CIZ1: variants seen among roughly 807,000 people sequenced by gnomAD.
The protein encoded by CIZ1 is CDKN1A interacting zinc finger protein 1.
A neutral mutation model predicts 118.6 loss-of-function variants in CIZ1; 58 were observed. That is an observed-to-expected ratio of 0.49 (90% CI 0.40 to 0.61). The LOEUF (loss-of-function observed/expected upper bound fraction) is 0.61. Ranked by LOEUF, CIZ1 falls within the 20% of genes least tolerant of loss-of-function variation. The pLI is 0.00. For synonymous variants in CIZ1, 448 were observed against 443.4 expected (o/e 1.01, Z -0.13); for missense variants, 921 against 1,115.9 (o/e 0.83, Z 2.49).
chr9:128,193,162 A>T (rs1170650637), upstream of CIZ1, among the ~76,000 whole-genome samples: 1 of 152,164 alleles, frequency 6.6e-6, no homozygotes, highest in East Asian at 1.9e-4. Flanking sequence ...AGAGGCGCGA[A>T]AGTGACTCAG....
At chr9:128,200,822 G>A (rs1444868563) in intron 1 of CIZ1, among the ~76,000 whole-genome samples, 1 of 117,166 alleles carries the variant, frequency 8.5e-6, no homozygotes, top group Non-Finnish European at 1.8e-5. Context: ...GGGAGACAGA[G>A]CGAGACTACG....
chr9:128,178,578 G>T (rs760348964), intron 8 of CIZ1, 88 bp from the exon 9 acceptor site: 230 of 1,601,654 alleles, frequency 1.4e-4, no homozygotes, highest in Non-Finnish European at 1.8e-4. Flanking sequence ...GAGGCCCCCA[G>T]CATGGATGGC....
chr9:128,169,664 G>A, intron 12 of CIZ1, 145 bp from the exon 13 acceptor site: 1 of 1,539,418 alleles, frequency 6.5e-7, no homozygotes, highest in Non-Finnish European at 8.7e-7. Context: ...CCCTGCACTG[G>A]AACGTGGGCA....
chr9:128,179,758 C>T (rs1003708387), intron 7 of CIZ1, among the ~76,000 whole-genome samples: 9 of 152,116 alleles, frequency 5.9e-5, no homozygotes, highest in Non-Finnish European at 7.3e-5. Context: ...CCACAACCTC[C>T]GTCTCCCAGG....
upstream of CIZ1, among the ~76,000 whole-genome samples, chr9:128,195,302 C>T (rs558272830): frequency 3.7e-4 from 56 of 152,126 alleles, no homozygotes; most frequent in African/African-American, 1.3e-3. Context: ...TGCACATTAC[C>T]ATCCCAGGTG....
upstream of CIZ1, among the ~76,000 whole-genome samples, chr9:128,194,044 TG>T (rs1439350517): frequency 4.6e-5 from 7 of 152,190 alleles, no homozygotes; most frequent in East Asian, 1.2e-3. Flanking sequence ...TTCATCTTTC[TG>T]GGAAGCAATT....
chr9:128,173,227 C>T (rs1325491542), intron 11 of CIZ1, among the ~76,000 whole-genome samples: 4 of 149,452 alleles, frequency 2.7e-5, no homozygotes, highest in Non-Finnish European at 5.9e-5. Flanking sequence ...TTACTGCAAG[C>T]TCCGCCTCCT....
Position 128,175,405 on chromosome 9 carries a change from C to T in CIZ1, c.1943+946G>A, listed in dbSNP as rs45491401. Reference sequence around the variant, plus strand: ...AACCAAGTAGAAAACCACTCAAGGACGCTCTTCTCAAAGGGAGAAACAGCT... The same window carrying T: ...AACCAAGTAGAAAACCACTCAAGGATGCTCTTCTCAAAGGGAGAAACAGCT... On this transcript the variant is annotated intron_variant, in intron 11 of 16. Transcript: ENST00000372938. Among the ~76,000 whole-genome samples the T allele has an allele frequency of 4.6e-3, 705 of 152,252 alleles. 5 individuals are homozygous for T. The highest frequency in any genetic ancestry group is 8.0e-3 in the Non-Finnish European group (541 of 68,020).
In CIZ1 at chr9:128,169,192, G is replaced by A. The variant is rs766224554; in HGVS notation, c.2155C>T (p.Leu719Phe). 1 of 1,614,178 alleles carries A rather than the reference G, an allele frequency of 6.2e-7. No homozygotes were observed. The highest frequency in any genetic ancestry group is 8.5e-7 in the Non-Finnish European group (1 of 1,180,036). The change falls in exon 14 of 17, where the codon CTT becomes TTT. Residue 719 changes from leucine (L) to phenylalanine (F), a missense_variant. Leu to Phe is a conservative substitution (Grantham distance 22). Transcript: ENST00000372938. Reference sequence around the variant, plus strand: ...TCTTGGCCAGCAATTTCTTTCTCAAGCGACTTCAGCTGCCCAGGGAGTAGG... The same window carrying A: ...TCTTGGCCAGCAATTTCTTTCTCAAACGACTTCAGCTGCCCAGGGAGTAGG... ...HKDKAKELKS[L>F]EKEIAGQDED...
intron 9 of CIZ1, 101 bp from the exon 10 acceptor site, chr9:128,177,864 A>C: frequency 1.2e-6 from 1 of 818,460 alleles, no homozygotes; most frequent in Non-Finnish European, 1.8e-6. Context: ...GATCTTCCTG[A>C]TGATAGGGAA....
intron 11 of CIZ1, among the ~76,000 whole-genome samples, chr9:128,174,447 T>A (rs1830614901): frequency 6.6e-6 from 1 of 152,152 alleles, no homozygotes; most frequent in African/African-American, 2.4e-5. Flanking sequence ...AGAAATGGTA[T>A]CCCCTGGGTC....
chr9:128,183,915 C>T (rs1832018472), intron 5 of CIZ1, among the ~76,000 whole-genome samples: 2 of 152,216 alleles, frequency 1.3e-5, no homozygotes, highest in Admixed American at 6.5e-5. Flanking sequence ...TACAGGCACC[C>T]GCCACTAGGG....
intron 11 of CIZ1, among the ~76,000 whole-genome samples, chr9:128,173,135 C>CTTTTTT (rs957423189): frequency 6.2e-5 from 5 of 80,790 alleles, no homozygotes; most frequent in African/African-American, 1.1e-4. Flanking sequence ...TGGCTAATTT[C>CTTTTTT]TTTTTTTTTT....
chr9:128,179,177 G>C lies in CIZ1; in HGVS notation c.1030C>G (p.Gln344Glu). Residue 344 changes from glutamine (Q) to glutamate (E), a missense_variant, in exon 8 of 17, where the codon CAG becomes GAG. Gln to Glu is a conservative substitution (Grantham distance 29). Coordinates refer to ENST00000372938, the MANE Select transcript of CIZ1 (RefSeq NM_001131016.2). ...TCTGGAGAGGTCTGTGTTTGCGCCT[G>C]CTTCTGCAGCTTTGGCTGCACCTGG... Reference protein sequence around the residue: ...DTQVQPKLQKQAQTQTSPEHL... With the variant: ...DTQVQPKLQKEAQTQTSPEHL... 1 of 1,614,080 alleles carries C rather than the reference G, an allele frequency of 6.2e-7. No homozygotes were observed. The highest frequency in any genetic ancestry group is 8.5e-7 in the Non-Finnish European group (1 of 1,180,014).
In CIZ1 at chr9:128,203,693, C is replaced by A; in HGVS notation, c.-6+493G>T. The A allele has an allele frequency of 7.2e-7, 1 of 1,383,124 alleles. No homozygotes were observed. The highest frequency in any genetic ancestry group is 9.3e-7 in the Non-Finnish European group (1 of 1,070,406). 85.7% of individuals were successfully genotyped at this position (1,383,124 alleles called of 1,614,324 possible). ...CCCCGGGATCCCTGGAGTCCCCGCC[C>A]GGGGCACTGACGGCGCGGCGACCTC... On this transcript the variant is annotated intron_variant, in intron 1 of 17. Transcript: ENST00000372948. This position sits in a 1 kb window ranked among gnomAD's most constrained non-coding sequence, Gnocchi z 5.3.
intron 5 of CIZ1, among the ~76,000 whole-genome samples, chr9:128,182,280 G>T (rs1376681483): frequency 1.3e-5 from 2 of 152,154 alleles, no homozygotes; most frequent in African/African-American, 4.8e-5. Flanking sequence ...TCTCTGTCTT[G>T]TGTCTTTATT....
At chr9:128,194,394 A>T (rs1038642706), upstream of CIZ1, among the ~76,000 whole-genome samples, 2 of 150,262 alleles carry the variant, frequency 1.3e-5, no homozygotes, top group African/African-American at 4.9e-5. Context: ...AATCTTGCAC[A>T]TGTTTTGCCC....
upstream of CIZ1, among the ~76,000 whole-genome samples, chr9:128,194,137 G>A (rs1374151288): frequency 3.9e-5 from 6 of 151,938 alleles, no homozygotes; most frequent in East Asian, 3.9e-4. Context: ...TGAAGCAGGC[G>A]GATCACCTGA....
intron 10 of CIZ1, among the ~76,000 whole-genome samples, chr9:128,176,840 C>T (rs1366480430): frequency 1.3e-5 from 2 of 152,272 alleles, no homozygotes; most frequent in Non-Finnish European, 2.9e-5. Context: ...GCCAGGCCTG[C>T]GCTCAGGACT....
Sources: allele counts gnomAD v4.1 joint callset (sites outside exome capture counted in the v4.1 genomes callset), GRCh38; gene constraint gnomAD v4.1.1; non-coding constraint Gnocchi (gnomAD v3.1); transcripts MANE v1.5; gene names NCBI Gene and HGNC (gene_info 2026-07-23, HGNC 2026-07-21).